Variants in SIAH3 observed in about 807,000 individuals in gnomAD.
SIAH3 encodes the protein siah E3 ubiquitin protein ligase family member 3.
A neutral mutation model predicts 12.6 loss-of-function variants in SIAH3; 9 were observed. The ratio of observed to expected loss-of-function variants is 0.72; its 90% CI spans 0.43 to 1.25. The LOEUF (loss-of-function observed/expected upper bound fraction) is 1.25. SIAH3 is among the 50% of genes most tolerant of loss of function. The pLI, the probability that SIAH3 is intolerant of heterozygous loss-of-function variation, is 0.00. For missense variants in SIAH3, 390 were observed against 365.4 expected, an observed-to-expected ratio of 1.07 and a Z score of -0.55; for synonymous variants, 154 against 151.1, an observed-to-expected ratio of 1.02 and a Z score of -0.14.
rs529706214 is a variant in SIAH3 at position 45,789,850 on chromosome 13, T to G, written c.136-5793A>C. Among the ~76,000 whole-genome samples, 3 of 152,358 alleles carry G rather than the reference T, an allele frequency of 2.0e-5. No individual in the cohort carries two copies. In the South Asian group the frequency reaches 6.2e-4, roughly 32 times the overall value. Reference sequence around the variant, plus strand: ...ACAATGGCCTCAATTAGTACCCATATTTCAGATTCACGTCAGATGCTGCTA... The same window carrying G: ...ACAATGGCCTCAATTAGTACCCATAGTTCAGATTCACGTCAGATGCTGCTA... On this transcript the variant is annotated intron_variant, in intron 1 of 1. Coordinates refer to ENST00000400405, the MANE Select transcript of SIAH3 (RefSeq NM_198849.3).
chr13:45,788,473 T>C (rs537829260), intron 1 of SIAH3, among the ~76,000 whole-genome samples: 18 of 152,372 alleles, frequency 1.2e-4, no homozygotes, highest in African/African-American at 4.1e-4. Context: ...AAGAGAGATC[T>C]TGAATTAACC....
intron 1 of SIAH3, among the ~76,000 whole-genome samples, chr13:45,789,404 CTATCT>C (rs1163364709): frequency 4.7e-5 from 4 of 84,824 alleles, no homozygotes; most frequent in Non-Finnish European, 1.0e-4. Context: ...ATCTATCTAT[CTATCT>C]ATCTATCTAT....
At chr13:45,821,267 C>A (rs1344495283) in intron 1 of SIAH3, among the ~76,000 whole-genome samples, 1 of 152,170 alleles carries the variant, frequency 6.6e-6, no homozygotes, top group Non-Finnish European at 1.5e-5. Flanking sequence ...ATGGAATGCC[C>A]GAGGCTGCCA....
intron 1 of SIAH3, among the ~76,000 whole-genome samples, chr13:45,808,012 TC>T (rs1950603734): frequency 6.6e-6 from 1 of 152,232 alleles, no homozygotes. Flanking sequence ...TATCTGTAAA[TC>T]TGTATTTGTA....
At chr13:45,823,279 G>A (rs1294996840) in intron 1 of SIAH3, among the ~76,000 whole-genome samples, 1 of 152,076 alleles carries the variant, frequency 6.6e-6, no homozygotes, top group Non-Finnish European at 1.5e-5. Context: ...GTCTGGGGTG[G>A]GCACCTACAG....
At chr13:45,846,856 C>T (rs1213288123) in intron 1 of SIAH3, among the ~76,000 whole-genome samples, 4 of 152,192 alleles carry the variant, frequency 2.6e-5, no homozygotes, top group South Asian at 4.1e-4. Context: ...ATTACTGCTC[C>T]AGGCTCTGGG....
chr13:45,783,318 T>TG lies in SIAH3; in HGVS notation c.*64dup, dbSNP rs1314009814. 2 of 1,326,682 alleles carry TG rather than the reference T, an allele frequency of 1.5e-6. No individual in the cohort carries two copies. The highest frequency in any genetic ancestry group is 3.0e-5 in the African/African-American group (2 of 67,616). The allele number at this position is 1,326,682 out of a possible 1,614,324, so 82.2% of individuals were successfully genotyped here. A position where few individuals can be genotyped will look rare whatever the true frequency, so the allele number is the denominator to read the frequency against. On this transcript the variant is annotated 3_prime_UTR_variant, in exon 2 of 2. Transcript: ENST00000400405. ...AAGAATAAAAAGGAGTCTGGAGTCCTGGTATTGGGAGGTCCCAGGCGTTTC... is the reference window on the plus strand; with the variant it reads ...AAGAATAAAAAGGAGTCTGGAGTCCTGGGTATTGGGAGGTCCCAGGCGTTTC...
intron 1 of SIAH3, among the ~76,000 whole-genome samples, chr13:45,822,127 C>T (rs1212686200): frequency 6.6e-6 from 1 of 152,128 alleles, no homozygotes; most frequent in Admixed American, 6.5e-5. Flanking sequence ...GTCCAAGCTC[C>T]CCAGCATCAT....
intron 1 of SIAH3, among the ~76,000 whole-genome samples, chr13:45,823,875 C>G (rs1950664646): frequency 6.6e-6 from 1 of 152,216 alleles, no homozygotes; most frequent in Non-Finnish European, 1.5e-5. Flanking sequence ...AAATTACTTA[C>G]TGGCTCTGAG....
intron 1 of SIAH3, among the ~76,000 whole-genome samples, chr13:45,844,229 T>C (rs536059606): frequency 6.6e-6 from 1 of 152,324 alleles, no homozygotes; most frequent in South Asian, 2.1e-4. Context: ...AAGCATTATG[T>C]CGGATGTTTC....
At chr13:45,850,532 C>T (rs1348885258) in intron 1 of SIAH3, among the ~76,000 whole-genome samples, 6 of 152,154 alleles carry the variant, frequency 3.9e-5, no homozygotes, top group Non-Finnish European at 8.8e-5. Flanking sequence ...AGGAGAGAGG[C>T]AAGGTGCTGA....
intron 1 of SIAH3, among the ~76,000 whole-genome samples, chr13:45,828,896 C>T (rs963044051): frequency 1.2e-4 from 18 of 151,696 alleles, no homozygotes; most frequent in African/African-American, 4.1e-4. Context: ...GTGGTATTGA[C>T]AGAATAGTTA....
At chr13:45,814,369 T>C (rs1014554562) in intron 1 of SIAH3, among the ~76,000 whole-genome samples, 2 of 151,924 alleles carry the variant, frequency 1.3e-5, no homozygotes, top group African/African-American at 2.4e-5. Flanking sequence ...GGCAATTACA[T>C]TACTCAGGAA....
intron 1 of SIAH3, among the ~76,000 whole-genome samples, chr13:45,784,605 A>C (rs1405570254): frequency 1.3e-5 from 2 of 150,166 alleles, no homozygotes; most frequent in African/African-American, 4.9e-5. Flanking sequence ...ATCTGGTGGG[A>C]TGCAGAGCTG....
chr13:45,826,329 A>ATGGTTGGGTAGG (rs1950674569), intron 1 of SIAH3, among the ~76,000 whole-genome samples: 1 of 151,690 alleles, frequency 6.6e-6, no homozygotes, highest in Non-Finnish European at 1.5e-5. Context: ...ATTTAAATGG[A>ATGGTTGGGTAGG]TGGATGGATG....
chr13:45,832,704 G>C (rs1480691472), intron 1 of SIAH3, among the ~76,000 whole-genome samples: 1 of 152,126 alleles, frequency 6.6e-6, no homozygotes, highest in Non-Finnish European at 1.5e-5. Flanking sequence ...TATGATTCTA[G>C]GTCATATGGT....
intron 1 of SIAH3, among the ~76,000 whole-genome samples, chr13:45,830,436 G>T (rs1287836002): frequency 6.6e-6 from 1 of 152,256 alleles, no homozygotes; most frequent in Non-Finnish European, 1.5e-5. Flanking sequence ...GTCAGGTGGG[G>T]ATGCACATTC....
At position 45,838,363 on chromosome 13, in the gene SIAH3, G is replaced by GT. The variant is rs1950726457; in HGVS notation, c.135+13131dup. 2.0e-5 allele frequency among the ~76,000 whole-genome samples: 3 copies of GT among 152,180 alleles called. No individual in the cohort carries two copies. The South Asian group carries it at 6.2e-4, about 32-fold the overall frequency. On this transcript the variant is annotated intron_variant, in intron 1 of 1. Transcript: ENST00000400405. The stretch of plus-strand genomic sequence containing the variant: ...CAGCGCGTTTCTGGCATTTGCTTCA[G>GT]TAAGCACGCTGAGAAGGGTCCAACT...
At chr13:45,834,852 G>A (rs922155308) in intron 1 of SIAH3, among the ~76,000 whole-genome samples, 14 of 152,154 alleles carry the variant, frequency 9.2e-5, no homozygotes, top group African/African-American at 3.4e-4. Context: ...CTGGGCCTCA[G>A]ATCCCTCATC....
Sources: allele counts gnomAD v4.1 joint callset (sites outside exome capture counted in the v4.1 genomes callset), GRCh38; gene constraint gnomAD v4.1.1; transcripts MANE v1.5; gene names NCBI Gene and HGNC (gene_info 2026-07-23, HGNC 2026-07-21).